USP9X: variants seen among roughly 807,000 people sequenced by gnomAD.
The protein encoded by USP9X is ubiquitin specific peptidase 9 X-linked.
USP9X carries 7 observed loss-of-function variants against 190.3 expected under a neutral mutation model. The observed-to-expected ratio is 0.04, with a 90% confidence interval of 0.02 to 0.07. The LOEUF (loss-of-function observed/expected upper bound fraction) is 0.07, where lower values mean the gene tolerates loss of function less well. Among genes scored for constraint, USP9X ranks in the 10% least tolerant of loss-of-function variants. The pLI, the probability that USP9X is intolerant of heterozygous loss-of-function variation, is 1.00. For missense variants in USP9X, 1,010 were observed against 1,916.9 expected, an observed-to-expected ratio of 0.53 and a Z score of 8.83; for synonymous variants, 645 against 659.5, an observed-to-expected ratio of 0.98 and a Z score of 0.34.
At chrX:41,194,240 C>T (rs912316890) in intron 26 of USP9X, among the ~76,000 whole-genome samples, 25 of 111,676 alleles carry the variant, frequency 2.2e-4, no homozygotes, top group Non-Finnish European at 4.0e-4. Context: ...GCTGTCAGGT[C>T]CTTTACACTT....
At chrX:41,125,686 T>A (rs1243777) in intron 2 of USP9X, among the ~76,000 whole-genome samples, 741 of 37,554 alleles carry the variant, frequency 0.02, 3 homozygotes, top group Non-Finnish European at 0.03. Context: ...ACACACACAC[T>A]CTCTCTCTCT....
chrX:41,185,210 A>G (rs1042174257), intron 23 of USP9X, among the ~76,000 whole-genome samples: 1 of 112,497 alleles, frequency 8.9e-6, no homozygotes, highest in Non-Finnish European at 1.9e-5. Flanking sequence ...TTGTTTTACT[A>G]AGTTACTGAT....
chrX:41,128,976 T>C (rs2062282676), intron 2 of USP9X, 24 bp from the exon 3 acceptor site: 2 of 1,199,314 alleles, frequency 1.7e-6, no homozygotes, highest in African/African-American at 1.7e-5. Context: ...AACTTAAATG[T>C]GGAATGTTTA....
intron 6 of USP9X, among the ~76,000 whole-genome samples, chrX:41,137,765 A>G (rs1369047399): frequency 9.0e-6 from 1 of 111,632 alleles, no homozygotes; most frequent in African/African-American, 3.2e-5. Flanking sequence ...TTCCTAGTTC[A>G]TATAGTTGCC....
chrX:41,101,120 A>T (rs2062030981), intron 1 of USP9X, among the ~76,000 whole-genome samples: 1 of 112,005 alleles, frequency 8.9e-6, no homozygotes, highest in Non-Finnish European at 1.9e-5. Context: ...ACTATATTTT[A>T]AATTTTTAAT....
intron 21 of USP9X, 35 bp from the exon 22 acceptor site, chrX:41,183,963 A>G (rs746459451): frequency 1.7e-6 from 2 of 1,181,682 alleles, no homozygotes; most frequent in Middle Eastern, 2.4e-4. Context: ...GAACACATGA[A>G]TTACATTTTC....
intron 41 of USP9X, among the ~76,000 whole-genome samples, chrX:41,228,341 A>AAGTT (rs369646031): frequency 9.8e-5 from 11 of 112,304 alleles, no homozygotes; most frequent in African/African-American, 2.9e-4. Context: ...ATCATGTTTT[A>AAGTT]AGTTAGTTAG....
At chrX:41,086,521 G>A (rs938551196) in intron 1 of USP9X, among the ~76,000 whole-genome samples, 3 of 111,962 alleles carry the variant, frequency 2.7e-5, no homozygotes, top group Non-Finnish European at 5.7e-5. Context: ...TTTCCTACCC[G>A]GTCTGGTTCC....
intron 1 of USP9X, among the ~76,000 whole-genome samples, chrX:41,087,830 T>G (rs1304249551): frequency 8.9e-6 from 1 of 112,395 alleles, no homozygotes; most frequent in African/African-American, 3.2e-5. Flanking sequence ...TTTTGTTTGC[T>G]GACCTTGGTA....
chrX:41,136,726 G>A lies in USP9X; in HGVS notation c.436-78G>A, dbSNP rs1473887640. ...GAGAGATCGTTATTTGTTAGGATAC[G>A]ATTAATATTGGAAGATATTTCTGTT... On this transcript the variant is annotated intron_variant, in intron 5 of 44. Transcript: ENST00000378308. The A allele has an allele frequency of 1.7e-5, 12 of 704,735 alleles. No homozygotes were observed. The South Asian group carries it at 2.1e-4, about 12-fold the overall frequency. The allele number at this position is 704,735 out of a possible 1,213,427, so 58.1% of individuals were successfully genotyped here.
At chrX:41,172,851 G>T (rs1020342711) in intron 21 of USP9X, among the ~76,000 whole-genome samples, 7 of 111,589 alleles carry the variant, frequency 6.3e-5, no homozygotes, top group African/African-American at 2.3e-4. Flanking sequence ...TGGCATTGCT[G>T]ATGAGAAGAC....
At chrX:41,109,067 G>A (rs763447897) in intron 1 of USP9X, among the ~76,000 whole-genome samples, 4 of 111,687 alleles carry the variant, frequency 3.6e-5, no homozygotes, top group Admixed American at 9.5e-5. Context: ...CACCTGGAGT[G>A]GAGCTACTGT....
rs111451767 is a variant in USP9X, at chrX:41,123,142, G to A, written c.-158-329G>A. ...TACCTCTTGTCCTTATTCTTACAGT[G>A]TAATGAATGCATCAGCAAATTGAAA... On this transcript the variant is annotated intron_variant, in intron 1 of 44. Coordinates refer to ENST00000378308, the MANE Select transcript of USP9X (RefSeq NM_001039591.3). Among the ~76,000 whole-genome samples, 14,821 of 111,259 alleles carry A rather than the reference G, an allele frequency of 0.13. 900 individuals carry two copies. Among genetic ancestry groups the A allele is most frequent in the East Asian group, 0.22 (760 of 3,518 alleles).
intron 2 of USP9X, among the ~76,000 whole-genome samples, chrX:41,125,689 C>CTCTCTCTCTCTCTT (rs1463432798): frequency 1.2e-5 from 1 of 84,125 alleles, no homozygotes; most frequent in East Asian, 4.4e-4. Context: ...CACACACTCT[C>CTCTCTCTCTCTCTT]TCTCTCTCTC....
At chrX:41,176,312 C>T (rs2062774514) in intron 21 of USP9X, among the ~76,000 whole-genome samples, 1 of 111,528 alleles carries the variant, frequency 9.0e-6, no homozygotes, top group Non-Finnish European at 1.9e-5. Context: ...ACCTTTAAAA[C>T]TTGCACATAG....
At chrX:41,148,859 T>C (rs1323578155) in intron 12 of USP9X, among the ~76,000 whole-genome samples, 1 of 111,799 alleles carries the variant, frequency 8.9e-6, no homozygotes, top group Non-Finnish European at 1.9e-5. Context: ...TCGAATAGAA[T>C]TCGAATGTTA....
intron 1 of USP9X, among the ~76,000 whole-genome samples, chrX:41,087,254 C>T (rs927209456): frequency 1.8e-5 from 2 of 112,130 alleles, no homozygotes; most frequent in African/African-American, 6.5e-5. Flanking sequence ...GTCCCTAAAT[C>T]TACTTAACGT....
At chrX:41,204,049 A>C (rs185405428) in intron 31 of USP9X, among the ~76,000 whole-genome samples, 164 of 111,806 alleles carry the variant, frequency 1.5e-3, no homozygotes, top group African/African-American at 5.0e-3. Flanking sequence ...TTACATTCCT[A>C]CCAGCATTGC....
chrX:41,213,975 T>A (rs1052141421), intron 33 of USP9X, among the ~76,000 whole-genome samples: 3 of 112,257 alleles, frequency 2.7e-5, no homozygotes, highest in Non-Finnish European at 5.6e-5. Context: ...ATCCCTTGTT[T>A]TGCATTTATG....
Sources: allele counts gnomAD v4.1 joint callset (sites outside exome capture counted in the v4.1 genomes callset), GRCh38; gene constraint gnomAD v4.1.1; transcripts MANE v1.5; gene names NCBI Gene and HGNC (gene_info 2026-07-23, HGNC 2026-07-21).